Variants in PLEKHG4B observed in about 807,000 individuals in gnomAD.
The protein encoded by PLEKHG4B is pleckstrin homology and RhoGEF domain containing G4B, also known as pleckstrin homology domain-containing family G member 4B.
PLEKHG4B carries 111 observed loss-of-function variants against 121.3 expected under a neutral mutation model. The ratio of observed to expected loss-of-function variants is 0.92; its 90% CI spans 0.78 to 1.07. PLEKHG4B has a LOEUF of 1.07. PLEKHG4B is among the 50% of genes least tolerant of loss of function. PLEKHG4B has a pLI of 0.00. For synonymous variants in PLEKHG4B, 738 were observed against 725.0 expected (o/e 1.02, Z -0.29); for missense variants, 1,831 against 1,757.8 (o/e 1.04, Z -0.74).
intron 1 of PLEKHG4B, among the ~76,000 whole-genome samples, chr5:102,615 T>C (rs922179592): frequency 2.6e-5 from 4 of 152,146 alleles, no homozygotes; most frequent in African/African-American, 9.7e-5. Flanking sequence ...CTTCCATGAG[T>C]CAAAGCTCCC....
At chr5:125,491 G>T (rs552880817) in intron 2 of PLEKHG4B, among the ~76,000 whole-genome samples, 30 of 152,054 alleles carry the variant, frequency 2.0e-4, no homozygotes, top group African/African-American at 7.0e-4. Context: ...CACCCCTTTT[G>T]GTTGCTGATG....
At chr5:173,562 T>C (rs1209918671) in intron 17 of PLEKHG4B, among the ~76,000 whole-genome samples, 2 of 151,930 alleles carry the variant, frequency 1.3e-5, no homozygotes, top group Non-Finnish European at 2.9e-5. Context: ...CATGGACAGC[T>C]GTCCTTCACA....
At chr5:125,040 C>T (rs189187815) in intron 2 of PLEKHG4B, among the ~76,000 whole-genome samples, 3 of 151,956 alleles carry the variant, frequency 2.0e-5, no homozygotes, top group Non-Finnish European at 2.9e-5. Flanking sequence ...GGCTGAGGCA[C>T]GAGAATCCCT....
Position 147,422 on chromosome 5 carries a change from A to G in PLEKHG4B, c.1905+2502A>G, listed in dbSNP as rs185000678. 2.2e-3 allele frequency among the ~76,000 whole-genome samples: 330 copies of G among 152,360 alleles called. 5 individuals are homozygous for G. The highest frequency in any genetic ancestry group is 2.8e-4 in the Non-Finnish European group (19 of 68,046). On this transcript the variant is annotated intron_variant, in intron 6 of 19. Coordinates refer to ENST00000637938, the MANE Select transcript of PLEKHG4B (RefSeq NM_052909.5). ...TAGACAAAGAAATGACAGTCAAGGA[A>G]CAGATGCTAGGGGAGGAAACAGAGC...
At chr5:174,324 G>T (rs1419466641) in intron 18 of PLEKHG4B, among the ~76,000 whole-genome samples, 1 of 133,534 alleles carries the variant, frequency 7.5e-6, no homozygotes, top group Non-Finnish European at 1.6e-5. Flanking sequence ...GGGGCCAGGG[G>T]GCCAGCAGGG....
At chr5:162,501 G>A (rs1016603954) in intron 12 of PLEKHG4B, among the ~76,000 whole-genome samples, 5 of 152,232 alleles carry the variant, frequency 3.3e-5, no homozygotes, top group African/African-American at 9.6e-5. Flanking sequence ...CCCCCACGGT[G>A]CCCTCTGGCA....
chr5:166,781 G>A (rs1736367556), intron 13 of PLEKHG4B, among the ~76,000 whole-genome samples: 1 of 152,206 alleles, frequency 6.6e-6, no homozygotes, highest in Non-Finnish European at 1.5e-5. Context: ...AACGGAGAAG[G>A]CCCAAGAACA....
intron 1 of PLEKHG4B, among the ~76,000 whole-genome samples, chr5:99,224 T>G (rs1225177935): frequency 7.1e-6 from 1 of 140,334 alleles, no homozygotes; most frequent in Non-Finnish European, 1.5e-5. Flanking sequence ...TTTGCGATTT[T>G]GGGGCCCTTG....
chr5:112,977 G>C (rs1734200932), intron 1 of PLEKHG4B, among the ~76,000 whole-genome samples: 1 of 152,170 alleles, frequency 6.6e-6, no homozygotes, highest in Non-Finnish European at 1.5e-5. Context: ...CACATTTATA[G>C]AGGTGGTATA....
At position 188,158 on chromosome 5, in the gene PLEKHG4B, G is replaced by A. The variant is rs1265680066; in HGVS notation, c.*5835G>A. On this transcript the variant is annotated 3_prime_UTR_variant, in exon 20 of 20. Transcript: ENST00000637938. ...TGGCGGCGCTGGTGTGCCTGCCCTG[G>A]GCCTTCAGCAGCCCCCATAAGGAGA... 1.3e-5 allele frequency: 2 copies of A among 152,394 alleles called. No homozygotes were observed. Among genetic ancestry groups the A allele is most frequent in the Non-Finnish European group, 2.9e-5 (2 of 68,214 alleles). 9.4% of individuals were successfully genotyped at this position (152,394 alleles called of 1,614,324 possible).
chr5:124,641 C>A (rs1734560026), intron 2 of PLEKHG4B, among the ~76,000 whole-genome samples: 1 of 152,130 alleles, frequency 6.6e-6, no homozygotes, highest in South Asian at 2.1e-4. Context: ...ATATAAGGTT[C>A]TTCATGGTAT....
chr5:100,004 G>C (rs1579231001), intron 1 of PLEKHG4B, among the ~76,000 whole-genome samples: 1 of 152,042 alleles, frequency 6.6e-6, no homozygotes, highest in African/African-American at 2.4e-5. Context: ...CCTTTGTTCT[G>C]TTAATGTGGT....
chr5:149,955 T>C (rs1735551920), intron 6 of PLEKHG4B, among the ~76,000 whole-genome samples: 4 of 152,230 alleles, frequency 2.6e-5, no homozygotes, highest in Admixed American at 6.5e-5. Context: ...GAAAACAATT[T>C]GGCAGTTCCT....
chr5:126,401 T>C (rs1406715029), intron 2 of PLEKHG4B, among the ~76,000 whole-genome samples: 1 of 152,184 alleles, frequency 6.6e-6, no homozygotes, highest in Non-Finnish European at 1.5e-5. Flanking sequence ...TTTGTTGATA[T>C]TTTCACTTTT....
At chr5:110,952 C>T (rs561223735) in intron 1 of PLEKHG4B, among the ~76,000 whole-genome samples, 2 of 152,386 alleles carry the variant, frequency 1.3e-5, no homozygotes, top group East Asian at 3.9e-4. Context: ...GGTCCCCTGC[C>T]CTGTGTCTGC....
rs768610409 is a variant in PLEKHG4B, at chr5:142,834, CTCCGTGATGACGCCGCGTG to C, written c.1478-196_1478-178del. Among the ~76,000 whole-genome samples the C allele has an allele frequency of 4.5e-4, 69 of 152,322 alleles. 1 individual carries two copies. Among genetic ancestry groups the C allele is most frequent in the African/African-American group, 8.2e-4 (34 of 41,576 alleles). Reference sequence around the variant, plus strand: ...CATGTCTGTGAGCTGGAGACTCCGTCTCCGTGATGACGCCGCGTGTCCGTGATGACGCCGCATGCCCTGT... The same window carrying C: ...CATGTCTGTGAGCTGGAGACTCCGTCTCCGTGATGACGCCGCATGCCCTGT... On this transcript the variant is annotated intron_variant, in intron 3 of 19. Transcript: ENST00000637938.
At chr5:181,894 T>A (rs1733403676) in intron 19 of PLEKHG4B, 110 bp from the exon 20 acceptor site, 1 of 1,352,038 alleles carries the variant, frequency 7.4e-7, no homozygotes, top group African/African-American at 1.4e-5. Context: ...TGGGCATGAC[T>A]GCAGTGGCAA....
Position 181,816 on chromosome 5 carries a change from T to C in PLEKHG4B, c.4564+141T>C, listed in dbSNP as rs1039949948. On this transcript the variant is annotated intron_variant, in intron 19 of 19. Coordinates refer to ENST00000637938, the MANE Select transcript of PLEKHG4B (RefSeq NM_052909.5). ...CCTGTCGTCAAGGACACGGGTACGG[T>C]GGCCTCGGCCCCGCCCTCACTCATC... is the stretch of plus-strand genomic sequence containing the variant. The C allele has an allele frequency of 3.0e-6, 4 of 1,321,822 alleles. No individual in the cohort carries two copies. In the South Asian group the frequency reaches 5.6e-5, roughly 19 times the overall value. The allele number at this position is 1,321,822 out of a possible 1,614,324, so 81.9% of individuals were successfully genotyped here.
chr5:131,505 G>A (rs1411129793), intron 2 of PLEKHG4B, among the ~76,000 whole-genome samples: 1 of 152,048 alleles, frequency 6.6e-6, no homozygotes, highest in Non-Finnish European at 1.5e-5. Flanking sequence ...TCTTAATCAA[G>A]TCTGTCATTG....
Sources: allele counts gnomAD v4.1 joint callset (sites outside exome capture counted in the v4.1 genomes callset), GRCh38; gene constraint gnomAD v4.1.1; transcripts MANE v1.5; gene names NCBI Gene and HGNC (gene_info 2026-07-23, HGNC 2026-07-21).